The following SLC7A7 variants were observed in gnomAD, a reference collection of about 807,000 sequenced individuals.
The protein encoded by SLC7A7 is solute carrier family 7 member 7.
SLC7A7 carries 39 observed loss-of-function variants against 47.9 expected under a neutral mutation model. The observed-to-expected ratio is 0.81, with a 90% CI of 0.63 to 1.06. The LOEUF (loss-of-function observed/expected upper bound fraction) is 1.06. SLC7A7 is among the 50% of genes least tolerant of loss of function. The probability of loss-of-function intolerance (pLI) is 0.00; values close to 1 mark genes in which losing one functional copy is unlikely to be tolerated. For missense variants in SLC7A7, 588 were observed against 632.0 expected (o/e 0.93, Z 0.75); for synonymous variants, 234 against 242.8 (o/e 0.96, Z 0.34).
intron 2 of SLC7A7, among the ~76,000 whole-genome samples, chr14:22,795,569 G>C (rs1363246241): frequency 1.3e-5 from 2 of 151,492 alleles, no homozygotes; most frequent in Non-Finnish European, 2.9e-5. Context: ...CCGCCTCCCG[G>C]GTTCACACCA....
intron 2 of SLC7A7, among the ~76,000 whole-genome samples, chr14:22,794,906 G>A (rs1321460805): frequency 1.3e-5 from 2 of 152,032 alleles, no homozygotes; most frequent in Admixed American, 6.6e-5. Flanking sequence ...AATTGAGAAC[G>A]GCTTTTCCCA....
At chr14:22,792,029 G>A (rs1213508268) in intron 2 of SLC7A7, among the ~76,000 whole-genome samples, 2 of 151,916 alleles carry the variant, frequency 1.3e-5, no homozygotes, top group Non-Finnish European at 2.9e-5. Flanking sequence ...TACAGACGGG[G>A]TTTCACCATG....
chr14:22,792,348 A>C (rs2038938380), intron 2 of SLC7A7, among the ~76,000 whole-genome samples: 1 of 152,118 alleles, frequency 6.6e-6, no homozygotes, highest in Admixed American at 6.5e-5. Flanking sequence ...GGATCACTTG[A>C]GGCCAGGAGT....
rs547924960 is a variant in SLC7A7, at chr14:22,774,820, A to G, written c.1096-317T>C. ...CAATAACCCGCTCTTATCTCCTCCT[A>G]CATGTTGAGTATCCCTGTTCTGAAA... On this transcript the variant is annotated intron_variant, in intron 7 of 9. Coordinates refer to ENST00000674313, the MANE Select transcript of SLC7A7 (RefSeq NM_003982.4). Among the ~76,000 whole-genome samples, 4 of 152,144 alleles carry G rather than the reference A, an allele frequency of 2.6e-5. No individual in the cohort carries two copies. The South Asian group carries it at 6.2e-4, about 24-fold the overall frequency.
In SLC7A7 at chr14:22,774,326, G is replaced by T; in HGVS notation, c.1245+28C>A. ...GCAACAACTCCAGCTGTTTCAGGTG[G>T]AGCAGAGGTAGGATGGAGTTGCCTT... On this transcript the variant is annotated intron_variant, in intron 8 of 9. Coordinates refer to ENST00000674313, the MANE Select transcript of SLC7A7 (RefSeq NM_003982.4). The T allele has an allele frequency of 3.1e-6, 5 of 1,613,992 alleles. No individual in the cohort carries two copies. In the South Asian group the frequency reaches 4.4e-5, roughly 14 times the overall value.
At chr14:22,790,939 A>C (rs575282600) in intron 2 of SLC7A7, among the ~76,000 whole-genome samples, 96 of 150,474 alleles carry the variant, frequency 6.4e-4, no homozygotes, top group African/African-American at 2.2e-3. Context: ...CGGAGGTTGC[A>C]GTGAGCTAAG....
At chr14:22,802,434 AC>A (rs774152515) in intron 2 of SLC7A7, among the ~76,000 whole-genome samples, 35 of 98,766 alleles carry the variant, frequency 3.5e-4, no homozygotes, top group Middle Eastern at 6.1e-3. Context: ...AAACAAACAA[AC>A]AAAAAAAATA....
rs535881792 is a variant in SLC7A7, at chr14:22,797,048, C to A, written c.499+15852G>T. ...CAACTGTGTGCCAGGTCACTATGTA[C>A]TTACACCTATCTTCTAATTTAATCT... is the stretch of plus-strand genomic sequence containing the variant. On this transcript the variant is annotated intron_variant, in intron 2 of 9. Transcript: ENST00000674313. Among the ~76,000 whole-genome samples, 5 of 152,286 alleles carry A rather than the reference C, an allele frequency of 3.3e-5. No individual in the cohort carries two copies. The East Asian group carries it at 9.6e-4, about 29-fold the overall frequency.
In SLC7A7 at chr14:22,776,227, T is replaced by G. The variant is rs143240690; in HGVS notation, c.862A>C (p.Arg288=). 1.3e-4 allele frequency: 206 copies of G among 1,614,066 alleles called. No homozygotes were observed. The highest frequency in any genetic ancestry group is 1.7e-4 in the Non-Finnish European group (201 of 1,180,040). Residue 288 remains arginine, a synonymous_variant, in exon 5 of 10, where the codon AGA becomes CGA. Coordinates refer to ENST00000674313, the MANE Select transcript of SLC7A7 (RefSeq NM_003982.4). Reference sequence around the variant, plus strand: ...ACAGCATCACTGGCCAAGATGTCTCTCATGTCTAGCACAGTATAATAGGCC... The same window carrying G: ...ACAGCATCACTGGCCAAGATGTCTCGCATGTCTAGCACAGTATAATAGGCC... ...NVAYYTVLDM[R]DILASDAVAV...
chr14:22,779,986 A>G lies in SLC7A7; in HGVS notation c.565T>C (p.Tyr189His). ...WGTLVQDIFTYAKVLALIAVI... is the reference protein window; with the variant it reads ...WGTLVQDIFTHAKVLALIAVI... The stretch of plus-strand genomic sequence containing the variant: ...GCGATCAGTGCCAATACTTTAGCAT[A>G]GGTGAAAATATCTTGTACCAGGGTT... Residue 189 changes from tyrosine to histidine, a missense_variant, in exon 3 of 10, where the codon TAT (tyrosine) becomes CAT (histidine). By Grantham distance (83) the Tyr-to-His change is moderately conservative. Coordinates refer to ENST00000674313, the MANE Select transcript of SLC7A7 (RefSeq NM_003982.4). 6.2e-7 allele frequency: 1 copy of G among 1,614,172 alleles called. No homozygotes were observed. The highest frequency in any genetic ancestry group is 8.5e-7 in the Non-Finnish European group (1 of 1,180,020).
chr14:22,792,867 A>AAGAG (rs113285148), intron 2 of SLC7A7, among the ~76,000 whole-genome samples: 7,670 of 122,238 alleles, frequency 0.063, 295 homozygotes, highest in African/African-American at 0.078. Context: ...CAAAGAAAGA[A>AAGAG]AGAGAGAGAG....
At chr14:22,783,829 C>G (rs946212953) in intron 2 of SLC7A7, among the ~76,000 whole-genome samples, 3 of 152,202 alleles carry the variant, frequency 2.0e-5, no homozygotes. Context: ...GCTCTCTGTA[C>G]TGAGCACAGA....
At chr14:22,777,985 G>T (rs755246503) in intron 4 of SLC7A7, among the ~76,000 whole-genome samples, 1 of 152,174 alleles carries the variant, frequency 6.6e-6, no homozygotes, top group African/African-American at 2.4e-5. Context: ...TGAAGCAGGA[G>T]AATCACTTGA....
intron 4 of SLC7A7, among the ~76,000 whole-genome samples, chr14:22,776,706 G>A (rs2038615456): frequency 6.6e-6 from 1 of 152,020 alleles, no homozygotes; most frequent in African/African-American, 2.4e-5. Flanking sequence ...GGTGGCTCAC[G>A]CCTGTAATCC....
At chr14:22,805,205 A>C (rs1183969602) in intron 2 of SLC7A7, among the ~76,000 whole-genome samples, 1 of 152,128 alleles carries the variant, frequency 6.6e-6, no homozygotes, top group African/African-American at 2.4e-5. Flanking sequence ...ATATCTACTA[A>C]AAATACAAAA....
At chr14:22,802,452 A>G (rs2039133220) in intron 2 of SLC7A7, among the ~76,000 whole-genome samples, 3 of 152,088 alleles carry the variant, frequency 2.0e-5, no homozygotes, top group South Asian at 4.1e-4. Flanking sequence ...AATATTTATC[A>G]AGCTTCTCTG....
At chr14:22,792,179 T>G (rs769608913) in intron 2 of SLC7A7, among the ~76,000 whole-genome samples, 1 of 152,148 alleles carries the variant, frequency 6.6e-6, no homozygotes, top group Non-Finnish European at 1.5e-5. Context: ...CCCTGGCTTC[T>G]TTGATACATT....
chr14:22,793,216 C>T (rs958208993), intron 2 of SLC7A7, among the ~76,000 whole-genome samples: 1 of 152,048 alleles, frequency 6.6e-6, no homozygotes. Context: ...CACGCCCAGC[C>T]AATTAAAATA....
chr14:22,808,018 C>T (rs928624148), intron 2 of SLC7A7, among the ~76,000 whole-genome samples: 3 of 152,006 alleles, frequency 2.0e-5, no homozygotes, highest in Admixed American at 6.5e-5. Context: ...AAAAATTAGC[C>T]GGGTGTGGTG....
Sources: allele counts gnomAD v4.1 joint callset (sites outside exome capture counted in the v4.1 genomes callset), GRCh38; gene constraint gnomAD v4.1.1; transcripts MANE v1.5; gene names NCBI Gene and HGNC (gene_info 2026-07-23, HGNC 2026-07-21).